Variants in EXOC6B observed in about 807,000 individuals in gnomAD.
EXOC6B encodes the protein SEC15 homolog B.
Under a neutral mutation model 113.5 loss-of-function variants are expected in EXOC6B, and 54 were observed. The ratio of observed to expected loss-of-function variants is 0.48; its 90% CI spans 0.38 to 0.60. The LOEUF is 0.60. EXOC6B is among the 20% of genes least tolerant of loss of function. The probability of loss-of-function intolerance (pLI) is 0.00; values close to 1 mark genes in which losing one functional copy is unlikely to be tolerated. For missense variants in EXOC6B, 797 were observed against 977.5 expected, an observed-to-expected ratio of 0.82 and a Z score of 2.46; for synonymous variants, 357 against 339.0, an observed-to-expected ratio of 1.05 and a Z score of -0.58.
intron 6 of EXOC6B, among the ~76,000 whole-genome samples, chr2:72,659,147 T>C (rs540386696): frequency 9.2e-5 from 14 of 152,096 alleles, no homozygotes; most frequent in African/African-American, 3.4e-4. Context: ...ATATCCACAA[T>C]ATGAAAACAA....
intron 6 of EXOC6B, among the ~76,000 whole-genome samples, chr2:72,576,006 T>C (rs1158428684): frequency 6.6e-6 from 1 of 152,098 alleles, no homozygotes; most frequent in Non-Finnish European, 1.5e-5. Context: ...AAGAAATCTA[T>C]CCAGTTTTGC....
At chr2:72,525,314 T>C (rs1413351583) in intron 8 of EXOC6B, among the ~76,000 whole-genome samples, 1 of 144,190 alleles carries the variant, frequency 6.9e-6, no homozygotes. Flanking sequence ...GCTCCTTTCA[T>C]AGCATTACCA....
intron 18 of EXOC6B, among the ~76,000 whole-genome samples, chr2:72,395,237 G>C (rs1384621303): frequency 6.6e-6 from 1 of 151,942 alleles, no homozygotes; most frequent in Non-Finnish European, 1.5e-5. Context: ...AATTAAGTGG[G>C]CTTGGAAAAA....
intron 2 of EXOC6B, among the ~76,000 whole-genome samples, chr2:72,735,731 G>A (rs547272063): frequency 9.9e-5 from 15 of 151,866 alleles, no homozygotes; most frequent in Admixed American, 5.9e-4. Flanking sequence ...CAGGAAAATC[G>A]CTTGAACCGG....
At chr2:72,581,255 C>G (rs968336092) in intron 6 of EXOC6B, among the ~76,000 whole-genome samples, 2 of 152,186 alleles carry the variant, frequency 1.3e-5, no homozygotes, top group African/African-American at 4.8e-5. Context: ...TCACACTTAT[C>G]AGGACTGGCT....
chr2:72,397,625 A>AAAAAAAAAATAAAT (rs1173279000), intron 18 of EXOC6B, among the ~76,000 whole-genome samples: 4 of 104,140 alleles, frequency 3.8e-5, no homozygotes, highest in African/African-American at 2.4e-4. Context: ...CTCAAAAAAA[A>AAAAAAAAAATAAAT]AAAATAAAAT....
At chr2:72,677,246 T>C (rs572950721) in intron 6 of EXOC6B, among the ~76,000 whole-genome samples, 192 of 152,164 alleles carry the variant, frequency 1.3e-3, no homozygotes, top group African/African-American at 4.3e-3. Context: ...AAAGAGTAAG[T>C]ATCAGCAGTG....
chr2:72,622,046 A>T (rs1671778108), intron 6 of EXOC6B, among the ~76,000 whole-genome samples: 1 of 152,042 alleles, frequency 6.6e-6, no homozygotes, highest in Admixed American at 6.5e-5. Context: ...TTTCATTTTT[A>T]AAAAAAGAAA....
chr2:72,477,758 C>A (rs1698836504), intron 17 of EXOC6B, among the ~76,000 whole-genome samples: 3 of 152,116 alleles, frequency 2.0e-5, no homozygotes, highest in Non-Finnish European at 4.4e-5. Flanking sequence ...CCAGACTGAC[C>A]CCCTTACTAT....
intron 18 of EXOC6B, among the ~76,000 whole-genome samples, chr2:72,385,929 A>T (rs1368439818): frequency 6.6e-6 from 1 of 152,182 alleles, no homozygotes; most frequent in Non-Finnish European, 1.5e-5. Flanking sequence ...AAATTAGTAT[A>T]GCTACTATTG....
intron 21 of EXOC6B, among the ~76,000 whole-genome samples, chr2:72,180,454 G>A (rs1030443746): frequency 2.1e-4 from 32 of 152,342 alleles, no homozygotes; most frequent in African/African-American, 7.0e-4. Context: ...TCTTGTCCTA[G>A]CTGCTGCACA....
At chr2:72,697,261 A>G (rs1304740049) in intron 6 of EXOC6B, among the ~76,000 whole-genome samples, 1 of 152,214 alleles carries the variant, frequency 6.6e-6, no homozygotes, top group Non-Finnish European at 1.5e-5. Flanking sequence ...ATTTATAAAT[A>G]CAGATATTGG....
At chr2:72,421,294 G>A (rs1215498126) in intron 18 of EXOC6B, among the ~76,000 whole-genome samples, 3 of 152,164 alleles carry the variant, frequency 2.0e-5, no homozygotes, top group East Asian at 1.9e-4. Context: ...ATTCTATTAC[G>A]TGGAACTACA....
intron 20 of EXOC6B, among the ~76,000 whole-genome samples, chr2:72,265,239 T>TTTTTTATTATTA (rs369845723): frequency 5.7e-4 from 83 of 146,874 alleles, no homozygotes; most frequent in African/African-American, 1.8e-3. Flanking sequence ...TAACTATTCT[T>TTTTTTATTATTA]TTATTATTAT....
intron 6 of EXOC6B, among the ~76,000 whole-genome samples, chr2:72,617,517 C>CTTTTTTTTTT (rs201912352): frequency 3.2e-4 from 31 of 96,944 alleles, no homozygotes; most frequent in Admixed American, 7.1e-4. Context: ...AATCTTTTTT[C>CTTTTTTTTTT]TTTTTTTTTT....
intron 19 of EXOC6B, among the ~76,000 whole-genome samples, chr2:72,345,542 C>G (rs1193642335): frequency 2.0e-5 from 3 of 151,756 alleles, no homozygotes; most frequent in African/African-American, 4.8e-5. Flanking sequence ...ACAAAAGAAC[C>G]TAAAATGCAT....
chr2:72,378,956 C>T (rs1196700556), intron 19 of EXOC6B, among the ~76,000 whole-genome samples: 1 of 152,188 alleles, frequency 6.6e-6, no homozygotes, highest in Non-Finnish European at 1.5e-5. Flanking sequence ...CTCCCAGCCT[C>T]CCATAGAGCT....
chr2:72,353,794 T>A (rs1164597626), intron 19 of EXOC6B, among the ~76,000 whole-genome samples: 1 of 152,156 alleles, frequency 6.6e-6, no homozygotes, highest in African/African-American at 2.4e-5. Context: ...CAAAACATGT[T>A]TTACCAAGTC....
chr2:72,583,555 G>A (rs1418060981), intron 6 of EXOC6B, among the ~76,000 whole-genome samples: 1 of 152,166 alleles, frequency 6.6e-6, no homozygotes, highest in Non-Finnish European at 1.5e-5. Flanking sequence ...AATATTTTCA[G>A]TATTGTTACA....
Sources: gnomAD v4.1 joint callset for allele counts (sites outside exome capture counted in the v4.1 genomes callset) on GRCh38, gnomAD v4.1.1 for gene constraint, MANE v1.5 for transcripts, NCBI Gene and HGNC (gene_info 2026-07-23, HGNC 2026-07-21) for gene names.